DIXDC1: variants seen among roughly 807,000 people sequenced by gnomAD.
The protein encoded by DIXDC1 is dixin.
A neutral mutation model predicts 103.1 loss-of-function variants in DIXDC1; 64 were observed. The observed-to-expected ratio is 0.62, with a 90% confidence interval of 0.51 to 0.76. The LOEUF (loss-of-function observed/expected upper bound fraction) is 0.76. Among genes scored for constraint, DIXDC1 ranks in the 30% least tolerant of loss-of-function variants. DIXDC1 has a pLI of 0.00. For synonymous variants in DIXDC1, 266 were observed against 298.5 expected (o/e 0.89, Z 1.12); for missense variants, 759 against 834.2 (o/e 0.91, Z 1.11).
At chr11:111,963,989 A>G (rs782331870) in intron 1 of DIXDC1, among the ~76,000 whole-genome samples, 4 of 152,238 alleles carry the variant, frequency 2.6e-5, no homozygotes, top group African/African-American at 4.8e-5. Flanking sequence ...GCTCAGGAGA[A>G]TAAATCTTGG....
chr11:112,022,423 T>C lies in DIXDC1; in HGVS notation c.*3387T>C, dbSNP rs1200034954. The C allele has an allele frequency of 6.6e-6, 1 of 152,668 alleles. No individual in the cohort carries two copies. Among genetic ancestry groups the C allele is most frequent in the Non-Finnish European group, 1.5e-5 (1 of 68,046 alleles). 9.5% of individuals were successfully genotyped at this position (152,668 alleles called of 1,614,324 possible). A position where few individuals can be genotyped will look rare whatever the true frequency, so the allele number is the denominator to read the frequency against. ...ATTGCTTTCAAAGAGATTATTACTG[T>C]GTATTCTCCCTGTTTTACAATATGT... On this transcript the variant is annotated 3_prime_UTR_variant, in exon 20 of 20. Transcript: ENST00000440460. The surrounding 1 kb of genome is among the most constrained non-coding windows in gnomAD (Gnocchi z 4.9).
At chr11:111,945,294 GGGAGGA>G (rs1175318890) in intron 1 of DIXDC1, among the ~76,000 whole-genome samples, 1 of 152,196 alleles carries the variant, frequency 6.6e-6, no homozygotes, top group Non-Finnish European at 1.5e-5. Flanking sequence ...AGAGAGATGA[GGGAGGA>G]GGAGGAAGAC....
In DIXDC1 at chr11:111,977,873, G is replaced by A. The variant is rs2137542575; in HGVS notation, c.657-2864G>A. 13 of 1,462,220 alleles carry A rather than the reference G, an allele frequency of 8.9e-6. No individual in the cohort carries two copies. Among genetic ancestry groups the A allele is most frequent in the South Asian group, 1.4e-5 (1 of 72,894 alleles). The allele number at this position is 1,462,220 out of a possible 1,614,324, so 90.6% of individuals were successfully genotyped here. A position where few individuals can be genotyped will look rare whatever the true frequency, so the allele number is the denominator to read the frequency against. Reference sequence around the variant, plus strand: ...GCAGGGCTGGAGGATGCTGTTGGCCGGAGACAGGCGGGGTGGTGGGAGCAT... The same window carrying A: ...GCAGGGCTGGAGGATGCTGTTGGCCAGAGACAGGCGGGGTGGTGGGAGCAT... On this transcript the variant is annotated intron_variant, in intron 5 of 19. Transcript: ENST00000440460. This position sits in a 1 kb window ranked among gnomAD's most constrained non-coding sequence, Gnocchi z 6.1.
At chr11:111,966,592 A>G (rs1372286078) in intron 2 of DIXDC1, among the ~76,000 whole-genome samples, 5 of 151,670 alleles carry the variant, frequency 3.3e-5, no homozygotes, top group African/African-American at 1.2e-4. Flanking sequence ...TTTAGTAGAG[A>G]CGGGGTTTCA....
At chr11:112,005,184 TATAATG>T in intron 17 of DIXDC1, among the ~76,000 whole-genome samples, 1 of 152,098 alleles carries the variant, frequency 6.6e-6, no homozygotes, top group East Asian at 1.9e-4. Context: ...CCACTATAAA[TATAATG>T]ATATAAATGG....
intron 1 of DIXDC1, among the ~76,000 whole-genome samples, chr11:111,954,627 C>G (rs1226849618): frequency 6.6e-6 from 1 of 152,138 alleles, no homozygotes; most frequent in Non-Finnish European, 1.5e-5. Flanking sequence ...TTCCTGGAAC[C>G]AGTCCTCTAT....
At position 111,958,565 on chromosome 11, in the gene DIXDC1, G is replaced by A. The variant is rs587658696; in HGVS notation, c.61-5984G>A. Among the ~76,000 whole-genome samples, 1 of 152,322 alleles carries A rather than the reference G, an allele frequency of 6.6e-6. No individual in the cohort carries two copies. Among genetic ancestry groups the A allele is most frequent in the Non-Finnish European group, 1.5e-5 (1 of 68,026 alleles). On this transcript the variant is annotated intron_variant, in intron 1 of 19. Transcript: ENST00000440460. This position sits in a 1 kb window ranked among gnomAD's most constrained non-coding sequence, Gnocchi z 4.2. ...CCGAAAAGCACCAGAGGGAGGCTGA[G>A]GGGATGGTGTGGGCAGCTCAGCGCT...
Position 111,993,569 on chromosome 11 carries a change from C to T in DIXDC1, c.1346C>T (p.Ser449Phe). Reference protein sequence around the residue: ...AKLEEALRKLSDVSYHQVDLE... With the variant: ...AKLEEALRKLFDVSYHQVDLE... Reference sequence around the variant, plus strand: ...TTAGAAGAAGCACTCCGGAAACTCTCTGATGTCAGTTACCACCAGGTCAGA... The same window carrying T: ...TTAGAAGAAGCACTCCGGAAACTCTTTGATGTCAGTTACCACCAGGTCAGA... Residue 449 changes from serine (S) to phenylalanine (F), a missense_variant, in exon 13 of 20, where the codon TCT (serine) becomes TTT (phenylalanine). Coordinates refer to ENST00000440460, the MANE Select transcript of DIXDC1 (RefSeq NM_001037954.4). 6.2e-7 allele frequency: 1 copy of T among 1,614,038 alleles called. No individual in the cohort carries two copies. The highest frequency in any genetic ancestry group is 8.5e-7 in the Non-Finnish European group (1 of 1,179,902).
chr11:111,945,268 A>G (rs1966554541), intron 1 of DIXDC1, among the ~76,000 whole-genome samples: 1 of 152,226 alleles, frequency 6.6e-6, no homozygotes, highest in African/African-American at 2.4e-5. Flanking sequence ...TCTAAGTTTT[A>G]TATCTTACAA....
intron 10 of DIXDC1, among the ~76,000 whole-genome samples, chr11:111,990,089 C>CA (rs797034025): frequency 7.5e-6 from 1 of 132,452 alleles, no homozygotes; most frequent in African/African-American, 2.8e-5. Context: ...CGCGCCCGGC[C>CA]TTTTTTTTTT....
At chr11:111,935,795 T>C (rs587606162), upstream of DIXDC1, among the ~76,000 whole-genome samples, 1 of 152,308 alleles carries the variant, frequency 6.6e-6, no homozygotes, top group East Asian at 1.9e-4. Context: ...AGGTTTAGAA[T>C]GATTTGGTGT....
At position 112,021,485 on chromosome 11, in the gene DIXDC1, T is replaced by A. The variant is rs1384586166; in HGVS notation, c.*2449T>A. On this transcript the variant is annotated 3_prime_UTR_variant, in exon 20 of 20. Transcript: ENST00000440460. ...GCTGCATTCTAGGAGGCCTCCTGAC[T>A]TATTCATAGTATTGTCGCCTGGTGG... 2 of 152,218 alleles carry A rather than the reference T, an allele frequency of 1.3e-5. No individual in the cohort carries two copies. The highest frequency in any genetic ancestry group is 2.4e-5 in the African/African-American group (1 of 41,450). The allele number at this position is 152,218 out of a possible 1,614,324, so 9.4% of individuals were successfully genotyped here.
chr11:111,937,212 A>C, upstream of DIXDC1: 1 of 1,105,056 alleles, frequency 9.0e-7, no homozygotes, highest in Non-Finnish European at 1.1e-6. Context: ...TTCCCGCAGG[A>C]AAGCGGGGCT....
chr11:112,002,771 G>A (rs587749541), intron 17 of DIXDC1, among the ~76,000 whole-genome samples: 23 of 152,120 alleles, frequency 1.5e-4, no homozygotes, highest in African/African-American at 5.3e-4. Flanking sequence ...GTGAGATCCT[G>A]TCTCAAAAAC....
chr11:111,930,606 A>G (rs1965977633), intron 2 of DIXDC1, among the ~76,000 whole-genome samples: 1 of 152,232 alleles, frequency 6.6e-6, no homozygotes, highest in Non-Finnish European at 1.5e-5. Context: ...GGTAAACATT[A>G]TAATGGCTGT....
intron 1 of DIXDC1, among the ~76,000 whole-genome samples, chr11:111,946,460 G>A (rs1161757749): frequency 1.3e-5 from 2 of 152,148 alleles, no homozygotes; most frequent in East Asian, 3.8e-4. Context: ...CTGACCTCAA[G>A]CTATCTGCCC....
intron 13 of DIXDC1, 27 bp downstream of exon 13, chr11:111,993,615 C>T (rs2137582212): frequency 6.2e-7 from 1 of 1,613,932 alleles, no homozygotes; most frequent in Non-Finnish European, 8.5e-7. Flanking sequence ...CCACTGACTT[C>T]CCTGCCTCTT....
intron 3 of DIXDC1, among the ~76,000 whole-genome samples, chr11:111,969,951 T>C (rs1203043909): frequency 6.6e-6 from 1 of 152,202 alleles, no homozygotes; most frequent in East Asian, 1.9e-4. Flanking sequence ...ATGATATGAT[T>C]CTATACCTAG....
Position 111,993,561 on chromosome 11 carries a change from GA to G in DIXDC1, c.1341del (p.Lys447AsnfsTer12). On this transcript the variant is annotated frameshift_variant, in exon 13 of 20. Coordinates refer to ENST00000440460, the MANE Select transcript of DIXDC1 (RefSeq NM_001037954.4). LOFTEE classifies it high-confidence loss of function. Reference sequence around the variant, plus strand: ...AGGCCAAGTTAGAAGAAGCACTCCGGAAACTCTCTGATGTCAGTTACCACCA... The same window carrying G: ...AGGCCAAGTTAGAAGAAGCACTCCGGAACTCTCTGATGTCAGTTACCACCA... ...HQAKLEEALR[K>X]LSDVSYHQVD... The G allele has an allele frequency of 6.2e-7, 1 of 1,613,994 alleles. No individual in the cohort carries two copies. The highest frequency in any genetic ancestry group is 8.5e-7 in the Non-Finnish European group (1 of 1,179,900).
Sources: gnomAD v4.1 joint callset for allele counts (sites outside exome capture counted in the v4.1 genomes callset) on GRCh38, gnomAD v4.1.1 for gene constraint, Gnocchi (gnomAD v3.1) non-coding constraint, MANE v1.5 for transcripts, NCBI Gene and HGNC (gene_info 2026-07-23, HGNC 2026-07-21) for gene names.